The following TRABD2B variants were observed in gnomAD, a reference collection of about 807,000 sequenced individuals.
TRABD2B encodes the protein metalloprotease TIKI2.
TRABD2B carries 14 observed loss-of-function variants against 40.1 expected under a neutral mutation model. The observed-to-expected ratio is 0.35, with a 90% confidence interval of 0.23 to 0.55. The LOEUF is 0.55. TRABD2B is among the 20% of genes least tolerant of loss of function. The pLI, the probability that TRABD2B is intolerant of heterozygous loss-of-function variation, is 0.90. For synonymous variants in TRABD2B, 263 were observed against 277.0 expected, an observed-to-expected ratio of 0.95 and a Z score of 0.50; for missense variants, 541 against 648.6, an observed-to-expected ratio of 0.83 and a Z score of 1.80.
chr1:47,786,342 C>T (rs1644595126), intron 4 of TRABD2B, among the ~76,000 whole-genome samples: 1 of 152,242 alleles, frequency 6.6e-6, no homozygotes, highest in African/African-American at 2.4e-5. Context: ...GTACATTCTC[C>T]TTCACTGATG....
intron 2 of TRABD2B, among the ~76,000 whole-genome samples, chr1:47,926,055 A>G (rs1238423172): frequency 1.3e-5 from 2 of 152,232 alleles, no homozygotes; most frequent in African/African-American, 4.8e-5. Context: ...TGTTTTTGAT[A>G]CGTAGAAATC....
intron 2 of TRABD2B, among the ~76,000 whole-genome samples, chr1:47,970,085 T>C (rs143971251): frequency 6.6e-6 from 1 of 152,112 alleles, no homozygotes; most frequent in Non-Finnish European, 1.5e-5. Flanking sequence ...CAGCAAACAT[T>C]GGTGAATGGA....
rs1160878354 is a variant in TRABD2B at position 47,997,125 on chromosome 1, C to T, written c.-336G>A. 3 of 983,024 alleles carry T rather than the reference C, an allele frequency of 3.1e-6. No homozygotes were observed. Among genetic ancestry groups the T allele is most frequent in the Non-Finnish European group, 3.6e-6 (3 of 828,818 alleles). The allele number at this position is 983,024 out of a possible 1,614,324, so 60.9% of individuals were successfully genotyped here. On this transcript the variant is annotated 5_prime_UTR_variant, in exon 1 of 7. Transcript: ENST00000606738. ...TCGCGGTCCAGGGGCGCGCGGGGTT[C>T]CTGGGGCAGAACCGAGAACCCGGGG... is the stretch of plus-strand genomic sequence containing the variant.
chr1:47,843,278 G>C (rs924407490), intron 2 of TRABD2B, among the ~76,000 whole-genome samples: 3 of 152,214 alleles, frequency 2.0e-5, no homozygotes, highest in Non-Finnish European at 4.4e-5. Context: ...GAAAATGCCA[G>C]GGTGCAGGGC....
intron 2 of TRABD2B, among the ~76,000 whole-genome samples, chr1:47,961,657 A>T (rs1313617285): frequency 1.3e-5 from 2 of 152,218 alleles, no homozygotes; most frequent in African/African-American, 4.8e-5. Context: ...TCAAAACCAC[A>T]ATGAGATACC....
At chr1:47,870,880 GAC>G (rs1644131026) in intron 2 of TRABD2B, among the ~76,000 whole-genome samples, 1 of 152,204 alleles carries the variant, frequency 6.6e-6, no homozygotes, top group Admixed American at 6.5e-5. Context: ...AGGCAGATCA[GAC>G]CAGGAAGGGC....
intron 2 of TRABD2B, among the ~76,000 whole-genome samples, chr1:47,919,415 C>T (rs1644872796): frequency 6.6e-6 from 1 of 152,166 alleles, no homozygotes; most frequent in Non-Finnish European, 1.5e-5. Flanking sequence ...ATCTTAAAAG[C>T]TGCCTGGAGC....
chr1:47,844,678 G>A (rs937778074), intron 2 of TRABD2B, among the ~76,000 whole-genome samples: 7 of 152,154 alleles, frequency 4.6e-5, no homozygotes, highest in African/African-American at 1.2e-4. Context: ...TGTGAGTCCC[G>A]GAGAGGGAAT....
intron 2 of TRABD2B, among the ~76,000 whole-genome samples, chr1:47,811,861 G>C (rs970524450): frequency 2.0e-5 from 3 of 152,218 alleles, no homozygotes; most frequent in Non-Finnish European, 4.4e-5. Flanking sequence ...CCTAGCTCTG[G>C]AAGACCTATT....
intron 2 of TRABD2B, among the ~76,000 whole-genome samples, chr1:47,938,257 C>G (rs1001038746): frequency 6.6e-6 from 1 of 152,114 alleles, no homozygotes; most frequent in Non-Finnish European, 1.5e-5. Flanking sequence ...AGAGAGGCCA[C>G]AGAAGGTGAA....
intron 4 of TRABD2B, among the ~76,000 whole-genome samples, chr1:47,791,752 C>T (rs934545304): frequency 2.6e-5 from 4 of 152,200 alleles, no homozygotes; most frequent in African/African-American, 9.7e-5. Flanking sequence ...AAGAATGTAA[C>T]GAGGCCGGAG....
chr1:47,923,369 C>T (rs146114403), intron 2 of TRABD2B, among the ~76,000 whole-genome samples: 52 of 152,320 alleles, frequency 3.4e-4, no homozygotes, highest in Admixed American at 3.9e-4. Flanking sequence ...ACTTGGTGGA[C>T]GCAGTATCTT....
rs1173109930 is a variant in TRABD2B, at chr1:47,763,463, G to C, written c.*2439C>G. On this transcript the variant is annotated 3_prime_UTR_variant, in exon 7 of 7. Coordinates refer to ENST00000606738, the MANE Select transcript of TRABD2B (RefSeq NM_001194986.2). ...AAGACTAAGGCTGAATCTTCCTGAA[G>C]TTAGGGGCCAGGACGACGTAATCTA... 6.6e-6 allele frequency: 1 copy of C among 152,360 alleles called. No individual in the cohort carries two copies. Among genetic ancestry groups the C allele is most frequent in the East Asian group, 1.9e-4 (1 of 5,192 alleles). The allele number at this position is 152,360 out of a possible 1,614,324, so 9.4% of individuals were successfully genotyped here. A position where few individuals can be genotyped will look rare whatever the true frequency, so the allele number is the denominator to read the frequency against.
In TRABD2B at chr1:47,763,796, A is replaced by C. The variant is rs1644269547; in HGVS notation, c.*2106T>G. The C allele has an allele frequency of 6.6e-6, 1 of 152,236 alleles. No individual in the cohort carries two copies. The highest frequency in any genetic ancestry group is 2.4e-5 in the African/African-American group (1 of 41,468). 9.4% of individuals were successfully genotyped at this position (152,236 alleles called of 1,614,324 possible). ...ATTCCTTTACACTTATCTCATCCAAATAGTGCACTGCACGATCCGTTTGAT... is the reference window on the plus strand; with the variant it reads ...ATTCCTTTACACTTATCTCATCCAACTAGTGCACTGCACGATCCGTTTGAT... On this transcript the variant is annotated 3_prime_UTR_variant, in exon 7 of 7. Coordinates refer to ENST00000606738, the MANE Select transcript of TRABD2B (RefSeq NM_001194986.2).
chr1:47,825,077 G>A (rs1278729610), intron 2 of TRABD2B, among the ~76,000 whole-genome samples: 1 of 152,176 alleles, frequency 6.6e-6, no homozygotes, highest in Admixed American at 6.5e-5. Flanking sequence ...GTCACAGAGC[G>A]GGCTGTGGGA....
At chr1:47,979,263 C>T (rs1475101685) in intron 2 of TRABD2B, among the ~76,000 whole-genome samples, 1 of 152,208 alleles carries the variant, frequency 6.6e-6, no homozygotes, top group Non-Finnish European at 1.5e-5. Flanking sequence ...AATTTTACAG[C>T]TACACACAGG....
At chr1:47,803,739 T>TG (rs1266672741) in intron 2 of TRABD2B, among the ~76,000 whole-genome samples, 1 of 152,206 alleles carries the variant, frequency 6.6e-6, no homozygotes, top group Non-Finnish European at 1.5e-5. Flanking sequence ...AATTGTGTCG[T>TG]GTTCATTTTT....
intron 2 of TRABD2B, among the ~76,000 whole-genome samples, chr1:47,857,513 C>T (rs899255317): frequency 1.3e-5 from 2 of 152,158 alleles, no homozygotes; most frequent in Non-Finnish European, 2.9e-5. Context: ...GGTTAAGGCC[C>T]CCTTCTCAGT....
intron 2 of TRABD2B, among the ~76,000 whole-genome samples, chr1:47,951,246 G>T (rs533768466): frequency 6.6e-6 from 1 of 152,336 alleles, no homozygotes; most frequent in Admixed American, 6.5e-5. Flanking sequence ...AGAAAGGAGG[G>T]CATTGTCTGC....
Sources: allele counts gnomAD v4.1 joint callset (sites outside exome capture counted in the v4.1 genomes callset), GRCh38; gene constraint gnomAD v4.1.1; transcripts MANE v1.5; gene names NCBI Gene and HGNC (gene_info 2026-07-23, HGNC 2026-07-21).